The following CDH20 variants were observed in gnomAD, a reference collection of about 807,000 sequenced individuals.
The protein encoded by CDH20 is cadherin 20.
A neutral mutation model predicts 74.2 loss-of-function variants in CDH20; 29 were observed. The observed-to-expected ratio is 0.39, with a 90% CI of 0.29 to 0.53. The LOEUF (loss-of-function observed/expected upper bound fraction) is 0.53. CDH20 is among the 20% of genes least tolerant of loss of function. The pLI is 0.69. For missense variants in CDH20, 988 were observed against 1,048.3 expected (o/e 0.94, Z 0.79); for synonymous variants, 469 against 405.4 (o/e 1.16, Z -1.88).
In CDH20 at chr18:61,392,310, T is replaced by A. The variant is rs188368649; in HGVS notation, c.-153+58483T>A. Among the ~76,000 whole-genome samples the A allele has an allele frequency of 2.0e-5, 3 of 152,252 alleles. No homozygotes were observed. The East Asian group carries it at 5.8e-4, about 29-fold the overall frequency. The stretch of plus-strand genomic sequence containing the variant: ...TAGACCTTTATGCACTCAGCACAGA[T>A]GTCATGTCCTCAGGGAAGTCTTCCC... On this transcript the variant is annotated intron_variant, in intron 1 of 11. Transcript: ENST00000262717.
intron 1 of CDH20, among the ~76,000 whole-genome samples, chr18:61,466,000 C>A (rs1420067916): frequency 1.3e-5 from 2 of 151,748 alleles, no homozygotes. Context: ...GTTGAGGCTG[C>A]AGTGAGCCAT....
Position 61,555,297 on chromosome 18 carries a change from G to GGGGGCC in CDH20, c.*602_*603insGGGGCC. On this transcript the variant is annotated 3_prime_UTR_variant, in exon 12 of 12. Coordinates refer to ENST00000262717, the MANE Select transcript of CDH20 (RefSeq NM_031891.4). ...TGGGGGTGGATGGGTGGGAGGGTGG[G>GGGGGCC]TGAAGGAAGAGACATTGACTTTATG... 7.2e-6 allele frequency: 1 copy of GGGGGCC among 138,322 alleles called. No individual in the cohort carries two copies. The highest frequency in any genetic ancestry group is 1.4e-5 in the Non-Finnish European group (1 of 71,128). The allele number at this position is 138,322 out of a possible 1,614,324, so 8.6% of individuals were successfully genotyped here.
intron 5 of CDH20, among the ~76,000 whole-genome samples, chr18:61,505,214 A>C (rs558195678): frequency 6.6e-5 from 10 of 152,318 alleles, no homozygotes; most frequent in African/African-American, 2.2e-4. Context: ...TACATAGCTC[A>C]AAGGTAGATG....
intron 9 of CDH20, among the ~76,000 whole-genome samples, chr18:61,540,005 G>C (rs1912968395): frequency 1.3e-5 from 2 of 152,186 alleles, no homozygotes; most frequent in African/African-American, 4.8e-5. Context: ...AATTCTAAGT[G>C]GTGTAATTAA....
intron 1 of CDH20, among the ~76,000 whole-genome samples, chr18:61,453,678 G>A (rs1909474446): frequency 6.6e-6 from 1 of 152,158 alleles, no homozygotes; most frequent in African/African-American, 2.4e-5. Context: ...CTACTTTGTG[G>A]AGGTGCCCCA....
At chr18:61,463,974 T>C (rs995103842) in intron 1 of CDH20, among the ~76,000 whole-genome samples, 7 of 152,112 alleles carry the variant, frequency 4.6e-5, no homozygotes, top group Admixed American at 4.6e-4. Flanking sequence ...TTGTTAGCTA[T>C]CCATTAAATG....
chr18:61,431,395 A>G (rs969837984), intron 1 of CDH20, among the ~76,000 whole-genome samples: 1 of 152,216 alleles, frequency 6.6e-6, no homozygotes, highest in Admixed American at 6.5e-5. Flanking sequence ...CAAATAAAGT[A>G]TGGACGTTAG....
intron 1 of CDH20, among the ~76,000 whole-genome samples, chr18:61,442,979 C>T (rs939169511): frequency 1.3e-5 from 2 of 152,026 alleles, no homozygotes; most frequent in Non-Finnish European, 2.9e-5. Flanking sequence ...AGTGAAAGAG[C>T]GTACGCATAT....
At chr18:61,517,495 C>G (rs547136745) in intron 6 of CDH20, among the ~76,000 whole-genome samples, 2 of 152,278 alleles carry the variant, frequency 1.3e-5, no homozygotes, top group Admixed American at 6.5e-5. Context: ...TCAGGGAACT[C>G]CCTCTCCTAG....
chr18:61,404,361 T>C (rs1463650876), intron 1 of CDH20, among the ~76,000 whole-genome samples: 2 of 152,220 alleles, frequency 1.3e-5, no homozygotes, highest in Non-Finnish European at 2.9e-5. Context: ...AATCTTGAAT[T>C]TTAAATATTT....
At chr18:61,445,028 A>G (rs1238684991) in intron 1 of CDH20, among the ~76,000 whole-genome samples, 1 of 152,186 alleles carries the variant, frequency 6.6e-6, no homozygotes, top group Non-Finnish European at 1.5e-5. Flanking sequence ...ATTTATTAAT[A>G]TCATCCATTC....
At chr18:61,478,529 A>C (rs1357465008) in intron 1 of CDH20, among the ~76,000 whole-genome samples, 1 of 152,172 alleles carries the variant, frequency 6.6e-6, no homozygotes, top group East Asian at 1.9e-4. Context: ...GCAGTATTAT[A>C]AAAATAGTAT....
chr18:61,534,833 T>C (rs1310704989), intron 7 of CDH20, among the ~76,000 whole-genome samples: 1 of 152,208 alleles, frequency 6.6e-6, no homozygotes, highest in Non-Finnish European at 1.5e-5. Context: ...CTGTAGTTCA[T>C]AATAATGTAT....
intron 11 of CDH20, among the ~76,000 whole-genome samples, chr18:61,551,365 A>T (rs1251183330): frequency 1.3e-5 from 2 of 152,226 alleles, no homozygotes; most frequent in Non-Finnish European, 2.9e-5. Flanking sequence ...CTGAGGATTG[A>T]AATTAGAATA....
intron 1 of CDH20, among the ~76,000 whole-genome samples, chr18:61,337,691 A>G (rs918873086): frequency 2.0e-5 from 3 of 152,196 alleles, no homozygotes; most frequent in African/African-American, 7.2e-5. Context: ...ATTGTTATTT[A>G]CTAAAAGAAG....
Position 61,503,101 on chromosome 18 carries a change from C to T in CDH20, c.810C>T (p.Asn270=). The T allele has an allele frequency of 6.2e-7, 1 of 1,610,586 alleles. No individual in the cohort carries two copies. Among genetic ancestry groups the T allele is most frequent in the Non-Finnish European group, 8.5e-7 (1 of 1,178,392 alleles). Reference sequence around the variant, plus strand: ...TCACCCTCTCAGATGTCAATGATAACCCACCCCGCTTTCCCCAGAGTGAGT... The same window carrying T: ...TCACCCTCTCAGATGTCAATGATAATCCACCCCGCTTTCCCCAGAGTGAGT... The part of the protein sequence containing the change: ...VNITLSDVND[N]PPRFPQKHYQ... The change falls in exon 5 of 12, where the codon AAC becomes AAT. Residue 270 remains asparagine (N), a synonymous_variant. Transcript: ENST00000262717.
At chr18:61,356,374 C>T (rs913796563) in intron 1 of CDH20, among the ~76,000 whole-genome samples, 1 of 152,080 alleles carries the variant, frequency 6.6e-6, no homozygotes, top group African/African-American at 2.4e-5. Flanking sequence ...CAGTATTTTT[C>T]TTAATTTTTA....
In CDH20 at chr18:61,433,954, T is replaced by C. The variant is rs115420665; in HGVS notation, c.-152-56448T>C. On this transcript the variant is annotated intron_variant, in intron 1 of 11. Coordinates refer to ENST00000262717, the MANE Select transcript of CDH20 (RefSeq NM_031891.4). ...GAATCAATACAACACAGAGAAGGTA[T>C]TGAGTTCATGGGTGTTTGACCAGAT... is the stretch of plus-strand genomic sequence containing the variant. Among the ~76,000 whole-genome samples the C allele has an allele frequency of 5.8e-3, 885 of 152,200 alleles. 6 individuals carry two copies. Among genetic ancestry groups the C allele is most frequent in the African/African-American group, 0.019 (792 of 41,520 alleles).
intron 1 of CDH20, among the ~76,000 whole-genome samples, chr18:61,355,965 T>C (rs1415062436): frequency 6.6e-6 from 1 of 152,230 alleles, no homozygotes; most frequent in African/African-American, 2.4e-5. Context: ...ATTTGCTCTG[T>C]AAACTTAGTC....
Sources: gnomAD v4.1 joint callset for allele counts (sites outside exome capture counted in the v4.1 genomes callset) on GRCh38, gnomAD v4.1.1 for gene constraint, MANE v1.5 for transcripts, NCBI Gene and HGNC (gene_info 2026-07-23, HGNC 2026-07-21) for gene names.